HLTF: variants seen among roughly 807,000 people sequenced by gnomAD.
The protein encoded by HLTF is DNA-dependent ATPase/E3 ubiquitin-protein ligase HLTF.
HLTF carries 127 observed loss-of-function variants against 129.4 expected under a neutral mutation model. That is an observed-to-expected ratio of 0.98 (90% CI 0.85 to 1.14). The LOEUF (loss-of-function observed/expected upper bound fraction) is 1.14. Ranked by LOEUF, HLTF falls within the 50% of genes most tolerant of loss-of-function variation. The pLI is 0.00. For synonymous variants in HLTF, 332 were observed against 388.8 expected (o/e 0.85, Z 1.72); for missense variants, 1,139 against 1,187.1 (o/e 0.96, Z 0.60).
At chr3:149,064,902 T>G in intron 8 of HLTF, 36 bp from the exon 9 acceptor site, 13 of 1,158,158 alleles carry the variant, frequency 1.1e-5, no homozygotes, top group Non-Finnish European at 1.5e-5. Context: ...ACAGTACTGC[T>G]ATCAGTTTTA....
intron 24 of HLTF, among the ~76,000 whole-genome samples, chr3:149,034,594 TA>T (rs951834059): frequency 2.6e-5 from 4 of 152,122 alleles, no homozygotes; most frequent in African/African-American, 7.2e-5. Flanking sequence ...TACCACTATT[TA>T]AAAAAAGTGT....
rs140954450 is a variant in HLTF, at chr3:149,050,236, T to C, written c.1613A>G (p.Tyr538Cys). Residue 538 changes from tyrosine (Y) to cysteine (C), a missense_variant, in exon 15 of 25, where the codon TAT becomes TGT. Tyr to Cys is a radical substitution (Grantham distance 194). Transcript: ENST00000310053. ...TTAAGTATCAACAATACTTACTCCA[T>C]AGTCATGAGTTAAAATATTATACGT... is the stretch of plus-strand genomic sequence containing the variant. ...LTTYNILTHD[Y>C]GTKGDSPLHS... The C allele has an allele frequency of 3.8e-6, 6 of 1,572,272 alleles. No individual in the cohort carries two copies. Among genetic ancestry groups the C allele is most frequent in the Admixed American group, 1.7e-5 (1 of 57,792 alleles).
chr3:149,033,200 T>C (rs1715282702), intron 24 of HLTF, among the ~76,000 whole-genome samples: 1 of 152,098 alleles, frequency 6.6e-6, no homozygotes, highest in Non-Finnish European at 1.5e-5. Flanking sequence ...CTGCTACTAT[T>C]TAACATTGTT....
At chr3:149,034,894 A>C (rs1576568358) in intron 24 of HLTF, 24 bp downstream of exon 24, 1 of 1,510,878 alleles carries the variant, frequency 6.6e-7, no homozygotes, top group East Asian at 2.3e-5. Context: ...ACCTAGTCTT[A>C]AAATAGTTTG....
rs1472932977 is a variant in HLTF, at chr3:149,086,368, C to T, written c.-32G>A. On this transcript the variant is annotated 5_prime_UTR_variant, in exon 1 of 25. Transcript: ENST00000310053. ...GAGTGGGATGACAAGAGGAGCGCCTCGGCTCCCCTGGATCGTTTTCGAGCC... is the reference window on the plus strand; with the variant it reads ...GAGTGGGATGACAAGAGGAGCGCCTTGGCTCCCCTGGATCGTTTTCGAGCC... 1.9e-6 allele frequency: 3 copies of T among 1,573,650 alleles called. No homozygotes were observed. Among genetic ancestry groups the T allele is most frequent in the South Asian group, 1.2e-5 (1 of 85,952 alleles).
At chr3:149,085,433 G>C (rs1394093664) in intron 1 of HLTF, among the ~76,000 whole-genome samples, 8 of 152,192 alleles carry the variant, frequency 5.3e-5, no homozygotes, top group Non-Finnish European at 1.0e-4. Flanking sequence ...AGGTTGCAGC[G>C]AGCCGAGATT....
chr3:149,032,472 G>A (rs902575680), intron 24 of HLTF, 100 bp from the exon 25 acceptor site: 3 of 682,624 alleles, frequency 4.4e-6, no homozygotes, highest in African/African-American at 3.7e-5. Context: ...GGCAAAAACC[G>A]CAATTACTTT....
intron 3 of HLTF, among the ~76,000 whole-genome samples, chr3:149,075,524 AC>A (rs1719268288): frequency 6.6e-6 from 1 of 152,192 alleles, no homozygotes; most frequent in Admixed American, 6.5e-5. Context: ...AGCCTGGGCA[AC>A]AGAGTGAGAC....
At chr3:149,068,761 A>G (rs1718613680) in intron 7 of HLTF, among the ~76,000 whole-genome samples, 1 of 152,234 alleles carries the variant, frequency 6.6e-6, no homozygotes, top group Non-Finnish European at 1.5e-5. Flanking sequence ...CTTAAAAGTC[A>G]TAACTTCTCC....
chr3:149,036,048 T>C lies in HLTF; in HGVS notation c.2797-1050A>G, dbSNP rs578157776. 6.0e-5 allele frequency among the ~76,000 whole-genome samples: 9 copies of C among 150,448 alleles called. No homozygotes were observed. The East Asian group carries it at 1.8e-3, about 31-fold the overall frequency. ...TACTCGGGAGGCTGAGGCAGGAGAATGGCGTGAACCCAGGAGGCGGAGCTG... is the reference window on the plus strand; with the variant it reads ...TACTCGGGAGGCTGAGGCAGGAGAACGGCGTGAACCCAGGAGGCGGAGCTG... On this transcript the variant is annotated intron_variant, in intron 23 of 24. Transcript: ENST00000310053.
intron 10 of HLTF, among the ~76,000 whole-genome samples, chr3:149,061,569 C>T (rs1276514580): frequency 6.6e-6 from 1 of 151,864 alleles, no homozygotes; most frequent in Non-Finnish European, 1.5e-5. Flanking sequence ...GGCACGGTGG[C>T]TCATGTCTGC....
At chr3:149,068,430 A>G in intron 7 of HLTF, 95 bp from the exon 8 acceptor site, 2 of 608,980 alleles carry the variant, frequency 3.3e-6, no homozygotes, top group Non-Finnish European at 2.9e-6. Flanking sequence ...CGAATATCAA[A>G]TATCATTCAA....
At chr3:149,038,593 C>T (rs566937334) in intron 23 of HLTF, among the ~76,000 whole-genome samples, 2 of 152,186 alleles carry the variant, frequency 1.3e-5, no homozygotes, top group East Asian at 3.9e-4. Context: ...ACTTCAACCT[C>T]CTGGGCCCAA....
At chr3:149,070,853 T>G (rs1718787647) in intron 7 of HLTF, among the ~76,000 whole-genome samples, 1 of 152,132 alleles carries the variant, frequency 6.6e-6, no homozygotes, top group African/African-American at 2.4e-5. Flanking sequence ...AAAACCAGCC[T>G]GGCCAACGTG....
Position 149,059,721 on chromosome 3 carries a change from T to G in HLTF, c.1372A>C (p.Lys458Gln), listed in dbSNP as rs771995196. Residue 458 changes from lysine to glutamine, a missense_variant, in exon 13 of 25, where the codon AAG becomes CAG. Lys to Gln is a moderately conservative substitution (Grantham distance 53). Coordinates refer to ENST00000310053, the MANE Select transcript of HLTF (RefSeq NM_003071.4). Reference protein sequence around the residue: ...VPTTKKKMLKKGACAVEGSKK... With the variant: ...VPTTKKKMLKQGACAVEGSKK... The stretch of plus-strand genomic sequence containing the variant: ...GAAAACAAGGATATTTACTGACCCT[T>G]TTTCAACATTTTCTTTTTTGTTGTA... 5 of 1,579,314 alleles carry G rather than the reference T, an allele frequency of 3.2e-6. No individual in the cohort carries two copies. In the East Asian group the frequency reaches 9.0e-5, roughly 29 times the overall value.
intron 18 of HLTF, among the ~76,000 whole-genome samples, chr3:149,043,128 A>G (rs1716263378): frequency 6.6e-6 from 1 of 151,986 alleles, no homozygotes; most frequent in Non-Finnish European, 1.5e-5. Flanking sequence ...AAAGACAAAG[A>G]GCTTTGAAAA....
At chr3:149,041,825 C>T in intron 19 of HLTF, 157 bp from the exon 20 acceptor site, 1 of 621,248 alleles carries the variant, frequency 1.6e-6, no homozygotes. Flanking sequence ...ATTTAAGAAA[C>T]ATTCAGAAGC....
intron 8 of HLTF, among the ~76,000 whole-genome samples, chr3:149,067,280 T>G (rs1413065609): frequency 6.6e-6 from 1 of 151,946 alleles, no homozygotes; most frequent in African/African-American, 2.4e-5. Flanking sequence ...TTGGTACAGA[T>G]AGTGTAGTGA....
chr3:149,086,126 G>A (rs993180351), intron 1 of HLTF, among the ~76,000 whole-genome samples, 191 bp downstream of exon 1: 1 of 152,094 alleles, frequency 6.6e-6, no homozygotes, highest in Non-Finnish European at 1.5e-5. Context: ...CACGGGACTC[G>A]CCCTAGGAGC....
Sources: allele counts gnomAD v4.1 joint callset (sites outside exome capture counted in the v4.1 genomes callset), GRCh38; gene constraint gnomAD v4.1.1; transcripts MANE v1.5; gene names NCBI Gene and HGNC (gene_info 2026-07-23, HGNC 2026-07-21).